ARHGAP28: variants seen among roughly 807,000 people sequenced by gnomAD.
The protein encoded by ARHGAP28 is rho GTPase-activating protein 28.
In ARHGAP28, 56 loss-of-function variants were observed where a neutral mutation model predicts 90.7. The observed-to-expected ratio is 0.62, with a 90% CI of 0.50 to 0.77. The LOEUF (loss-of-function observed/expected upper bound fraction) is 0.77. Among genes scored for constraint, ARHGAP28 ranks in the 30% least tolerant of loss-of-function variants. The pLI, the probability that ARHGAP28 is intolerant of heterozygous loss-of-function variation, is 0.00. For missense variants in ARHGAP28, 869 were observed against 900.9 expected, an observed-to-expected ratio of 0.96 and a Z score of 0.45; for synonymous variants, 308 against 323.3, an observed-to-expected ratio of 0.95 and a Z score of 0.51.
rs1399596006 is a variant in ARHGAP28 at position 6,824,777 on chromosome 18, C to T, written c.138C>T (p.Arg46=). 6.5e-7 allele frequency: 1 copy of T among 1,535,518 alleles called. No individual in the cohort carries two copies. Among genetic ancestry groups the T allele is most frequent in the Admixed American group, 2.0e-5 (1 of 50,806 alleles). ...CTTTCCTCAGAAAATCCATTCCTCG[C>T]TGCCGAAGAATTAACAGGATGCTCT... ...SHPLSRKSIP[R]CRRINRMLSN... is the part of the protein sequence containing the mutation. Residue 46 remains arginine, a synonymous_variant, in exon 2 of 18, where the codon CGC becomes CGT. Transcript: ENST00000383472.
At chr18:6,791,747 TA>T (rs2056407681) in intron 1 of ARHGAP28, 1 of 152,214 alleles carries the variant, frequency 6.6e-6, no homozygotes, top group African/African-American at 2.4e-5. Flanking sequence ...GTTCCATGTA[TA>T]AAAACATATT....
rs1440294124 is a variant in ARHGAP28, at chr18:6,889,812, G to A, written c.1537-76G>A. The A allele has an allele frequency of 1.4e-5, 19 of 1,335,980 alleles. No homozygotes were observed. The South Asian group carries it at 2.0e-4, about 14-fold the overall frequency. 82.8% of individuals were successfully genotyped at this position (1,335,980 alleles called of 1,614,324 possible). ...AGTTCTCTGGCAGCAGAGTGAATGG[G>A]AATAGAATGAATGATAGCAATCAGG... On this transcript the variant is annotated intron_variant, in intron 12 of 17. Transcript: ENST00000383472.
intron 11 of ARHGAP28, among the ~76,000 whole-genome samples, 161 bp from the exon 12 acceptor site, chr18:6,886,996 C>T (rs951788497): frequency 1.3e-5 from 2 of 152,106 alleles, no homozygotes; most frequent in Non-Finnish European, 2.9e-5. Context: ...GACAGAGGCT[C>T]CTGTCCAAGT....
In ARHGAP28 at chr18:6,841,167, CCTCTCTCT is replaced by C. The variant is rs776937358; in HGVS notation, c.543+3759_543+3766del. ...CTGTCTCTCTCCTCTTTCTCTCTCT[CCTCTCTCT>C]CTCTCCTCTCTCTCTCTCTCTCTCT... On this transcript the variant is annotated intron_variant, in intron 3 of 17. Transcript: ENST00000383472. 2.6e-4 allele frequency among the ~76,000 whole-genome samples: 21 copies of C among 79,932 alleles called. 1 individual carries two copies. The highest frequency in any genetic ancestry group is 1.0e-4 in the Non-Finnish European group (4 of 38,134). The allele number at this position is 79,932 out of a possible 152,430, so 52.4% of individuals were successfully genotyped here. A position where few individuals can be genotyped will look rare whatever the true frequency, so the allele number is the denominator to read the frequency against.
chr18:6,776,288 T>C (rs1269084629), intron 1 of ARHGAP28, among the ~76,000 whole-genome samples: 1 of 152,174 alleles, frequency 6.6e-6, no homozygotes, highest in Non-Finnish European at 1.5e-5. Context: ...AGGAATGTGT[T>C]TTAATGCCTG....
chr18:6,831,271 C>T (rs1433470074), intron 2 of ARHGAP28, among the ~76,000 whole-genome samples: 1 of 152,010 alleles, frequency 6.6e-6, no homozygotes. Context: ...CTTTTTATTA[C>T]TGACTTTTTA....
intron 15 of ARHGAP28, among the ~76,000 whole-genome samples, chr18:6,895,690 C>A (rs2057299602): frequency 6.6e-6 from 1 of 152,198 alleles, no homozygotes; most frequent in African/African-American, 2.4e-5. Flanking sequence ...AAGGGCACTC[C>A]CTACTGCAGT....
At chr18:6,825,640 T>G (rs983020406) in intron 2 of ARHGAP28, among the ~76,000 whole-genome samples, 1 of 152,170 alleles carries the variant, frequency 6.6e-6, no homozygotes, top group African/African-American at 2.4e-5. Flanking sequence ...CAGTGTCTAT[T>G]GTGCCCATGT....
At chr18:6,778,183 C>G (rs2056299438) in intron 1 of ARHGAP28, among the ~76,000 whole-genome samples, 1 of 152,138 alleles carries the variant, frequency 6.6e-6, no homozygotes, top group South Asian at 2.1e-4. Context: ...GCTGTATCAA[C>G]CTTTCTCTAG....
At chr18:6,832,601 T>C (rs1567962857) in intron 2 of ARHGAP28, among the ~76,000 whole-genome samples, 1 of 152,078 alleles carries the variant, frequency 6.6e-6, no homozygotes, top group Non-Finnish European at 1.5e-5. Context: ...TATACATTTA[T>C]GATTGTTACT....
At position 6,767,587 on chromosome 18, in the gene ARHGAP28, G is replaced by A. The variant is rs2056209411; in HGVS notation, c.122+37644G>A. On this transcript the variant is annotated intron_variant, in intron 1 of 17. Transcript: ENST00000383472. ...ATGAAGGATAACTTCACTGGATATTGAATTTTAGGTTGATCATTTCTTTCT... is the reference window on the plus strand; with the variant it reads ...ATGAAGGATAACTTCACTGGATATTAAATTTTAGGTTGATCATTTCTTTCT... Among the ~76,000 whole-genome samples, 3 of 152,094 alleles carry A rather than the reference G, an allele frequency of 2.0e-5. No homozygotes were observed. In the South Asian group the frequency reaches 6.2e-4, roughly 32 times the overall value.
At chr18:6,841,341 G>A (rs980480024) in intron 3 of ARHGAP28, among the ~76,000 whole-genome samples, 1 of 147,616 alleles carries the variant, frequency 6.8e-6, no homozygotes, top group African/African-American at 2.5e-5. Flanking sequence ...AATTACCTAA[G>A]ATTTTCCATT....
intron 1 of ARHGAP28, among the ~76,000 whole-genome samples, chr18:6,817,299 A>G (rs977392183): frequency 3.3e-5 from 5 of 151,652 alleles, no homozygotes; most frequent in African/African-American, 1.2e-4. Flanking sequence ...AGCCTGAGCT[A>G]CAGAGCAAGA....
intron 4 of ARHGAP28, among the ~76,000 whole-genome samples, chr18:6,853,795 C>T (rs974883345): frequency 6.6e-6 from 1 of 152,130 alleles, no homozygotes; most frequent in Non-Finnish European, 1.5e-5. Flanking sequence ...ATTTTTAAAT[C>T]TACCCATGAC....
At chr18:6,905,825 A>G (rs1440237664) in intron 16 of ARHGAP28, among the ~76,000 whole-genome samples, 1 of 152,184 alleles carries the variant, frequency 6.6e-6, no homozygotes, top group Non-Finnish European at 1.5e-5. Context: ...TTAAGTATAA[A>G]CTTAAGTAAA....
chr18:6,784,246 G>C (rs2056349444), intron 1 of ARHGAP28, among the ~76,000 whole-genome samples: 1 of 152,118 alleles, frequency 6.6e-6, no homozygotes, highest in South Asian at 2.1e-4. Context: ...ACCCCTGGGA[G>C]CTTTGTTAGA....
chr18:6,735,357 A>G (rs2055916242), intron 1 of ARHGAP28, among the ~76,000 whole-genome samples: 1 of 152,212 alleles, frequency 6.6e-6, no homozygotes, highest in Non-Finnish European at 1.5e-5. Flanking sequence ...CAGTTTTCCA[A>G]TAAAATCGGA....
intron 1 of ARHGAP28, among the ~76,000 whole-genome samples, chr18:6,810,800 TAGAC>T (rs1196715411): frequency 2.6e-5 from 4 of 152,108 alleles, no homozygotes; most frequent in African/African-American, 9.7e-5. Flanking sequence ...ATTCAGAAAG[TAGAC>T]AGAGGAGCCT....
chr18:6,784,672 C>T (rs906698046), intron 1 of ARHGAP28, among the ~76,000 whole-genome samples: 2 of 152,144 alleles, frequency 1.3e-5, no homozygotes, highest in African/African-American at 4.8e-5. Context: ...TCAATTTCAG[C>T]GCAGTAGGAG....
Sources: allele counts gnomAD v4.1 joint callset (sites outside exome capture counted in the v4.1 genomes callset), GRCh38; gene constraint gnomAD v4.1.1; transcripts MANE v1.5; gene names NCBI Gene and HGNC (gene_info 2026-07-23, HGNC 2026-07-21).